The following SPECC1L variants were observed in gnomAD, a reference collection of about 807,000 sequenced individuals.
The protein encoded by SPECC1L is cytospin-A.
In SPECC1L, 40 loss-of-function variants were observed where a neutral mutation model predicts 116.8. The observed-to-expected ratio is 0.34, with a 90% confidence interval of 0.27 to 0.45. The LOEUF (loss-of-function observed/expected upper bound fraction) is 0.45, where lower values mean the gene tolerates loss of function less well. SPECC1L is among the 20% of genes least tolerant of loss of function. The pLI is 1.00. For missense variants in SPECC1L, 1,110 were observed against 1,373.6 expected (o/e 0.81, Z 3.03); for synonymous variants, 504 against 500.6 (o/e 1.01, Z -0.09).
intron 4 of SPECC1L, among the ~76,000 whole-genome samples, chr22:24,316,814 G>C: frequency 6.9e-6 from 1 of 144,264 alleles, no homozygotes; most frequent in Non-Finnish European, 1.5e-5. Context: ...AGACGGGGTG[G>C]TGGCCGGGCA....
At chr22:24,289,435 T>C (rs2049114756) in intron 2 of SPECC1L, among the ~76,000 whole-genome samples, 1 of 152,224 alleles carries the variant, frequency 6.6e-6, no homozygotes, top group African/African-American at 2.4e-5. Flanking sequence ...CAGAAATGGA[T>C]CTGAAGAGGT....
At chr22:24,298,464 T>A (rs1237089903) in intron 2 of SPECC1L, among the ~76,000 whole-genome samples, 1 of 152,116 alleles carries the variant, frequency 6.6e-6, no homozygotes, top group African/African-American at 2.4e-5. Flanking sequence ...TATAACAAGA[T>A]CCTTATTAAA....
At chr22:24,332,482 A>G (rs1349087361) in intron 8 of SPECC1L, among the ~76,000 whole-genome samples, 1 of 152,230 alleles carries the variant, frequency 6.6e-6, no homozygotes, top group Non-Finnish European at 1.5e-5. Context: ...CTTTTAAGTT[A>G]CTACTTGTTG....
chr22:24,360,031 G>C (rs1158937470), intron 11 of SPECC1L, among the ~76,000 whole-genome samples: 1 of 152,140 alleles, frequency 6.6e-6, no homozygotes, highest in Non-Finnish European at 1.5e-5. Context: ...TCTGACCTTT[G>C]CACCAAGCCA....
chr22:24,393,663 G>A lies in SPECC1L; in HGVS notation c.3088-17925G>A, dbSNP rs570990757. Among the ~76,000 whole-genome samples, 201 of 152,108 alleles carry A rather than the reference G, an allele frequency of 1.3e-3. 6 individuals are homozygous for A. Among genetic ancestry groups the A allele is most frequent in the Non-Finnish European group, 9.0e-4 (61 of 67,998 alleles). On this transcript the variant is annotated intron_variant, in intron 14 of 16. Coordinates refer to ENST00000314328, the MANE Select transcript of SPECC1L (RefSeq NM_015330.6). ...GCCTTGGGCTTCCTTTTTTTTAATA[G>A]TTGCATTGAGGTATAGTTGACATAA...
intron 4 of SPECC1L, among the ~76,000 whole-genome samples, chr22:24,319,575 CATTT>C (rs2040677952): frequency 6.6e-6 from 1 of 152,212 alleles, no homozygotes; most frequent in African/African-American, 2.4e-5. Context: ...TACTCAGGAT[CATTT>C]ATTGACTTAG....
At chr22:24,343,280 G>GA (rs1299744897) in intron 10 of SPECC1L, among the ~76,000 whole-genome samples, 6 of 152,062 alleles carry the variant, frequency 3.9e-5, no homozygotes, top group Admixed American at 3.3e-4. Flanking sequence ...AAGAAAATCA[G>GA]GAAGCTAAAG....
At chr22:24,382,581 T>C (rs2042081744) in intron 14 of SPECC1L, among the ~76,000 whole-genome samples, 1 of 151,490 alleles carries the variant, frequency 6.6e-6, no homozygotes, top group Non-Finnish European at 1.5e-5. Context: ...CGGGCGACTG[T>C]AGTTCCAGCT....
At chr22:24,281,936 G>C (rs1165973808) in intron 2 of SPECC1L, among the ~76,000 whole-genome samples, 1 of 152,222 alleles carries the variant, frequency 6.6e-6, no homozygotes, top group Non-Finnish European at 1.5e-5. Flanking sequence ...CCTGCTGGGT[G>C]GGAGACTGGA....
At chr22:24,377,346 T>C (rs1473961538) in intron 14 of SPECC1L, among the ~76,000 whole-genome samples, 1 of 152,190 alleles carries the variant, frequency 6.6e-6, no homozygotes, top group East Asian at 1.9e-4. Flanking sequence ...CTCACTATGT[T>C]TCCCAGGCTG....
At position 24,412,643 on chromosome 22, in the gene SPECC1L, T is replaced by C. The variant is rs199939868; in HGVS notation, c.3205-5T>C. 27 of 1,614,164 alleles carry C rather than the reference T, an allele frequency of 1.7e-5. No individual in the cohort carries two copies. In the African/African-American group the frequency reaches 3.6e-4, roughly 22 times the overall value. ...TGCACTGCAGTGACACAGTTTCTTTTACAGAGAAGGAACTTCATGCTGGCT... is the reference window on the plus strand; with the variant it reads ...TGCACTGCAGTGACACAGTTTCTTTCACAGAGAAGGAACTTCATGCTGGCT... On this transcript the variant is annotated splice_polypyrimidine_tract_variant and splice_region_variant and intron_variant, in intron 15 of 16. Transcript: ENST00000314328.
chr22:24,326,259 C>T (rs2040819543), intron 6 of SPECC1L, among the ~76,000 whole-genome samples: 1 of 152,202 alleles, frequency 6.6e-6, no homozygotes, highest in South Asian at 2.1e-4. Flanking sequence ...ATATTTCTTG[C>T]ATATAAATTG....
At chr22:24,287,166 G>T (rs1461569688) in intron 2 of SPECC1L, among the ~76,000 whole-genome samples, 1 of 152,172 alleles carries the variant, frequency 6.6e-6, no homozygotes, top group Non-Finnish European at 1.5e-5. Context: ...GGGTTTTCAG[G>T]GGTAGGAACA....
chr22:24,409,460 A>C (rs1380959411), intron 14 of SPECC1L, among the ~76,000 whole-genome samples: 1 of 152,188 alleles, frequency 6.6e-6, no homozygotes, highest in Non-Finnish European at 1.5e-5. Context: ...GGTAACGGCT[A>C]CATACCAGCT....
intron 3 of SPECC1L, among the ~76,000 whole-genome samples, chr22:24,306,097 G>A (rs1174240144): frequency 3.3e-5 from 5 of 152,016 alleles, no homozygotes; most frequent in Non-Finnish European, 5.9e-5. Flanking sequence ...AGTAGAGACG[G>A]GGTTTCTCCA....
Position 24,414,697 on chromosome 22 carries a change from T to C in SPECC1L, c.*74T>C, listed in dbSNP as rs765058381. On this transcript the variant is annotated 3_prime_UTR_variant, in exon 17 of 17. Transcript: ENST00000314328. ...ACCGAGCGACACCGACGCCATTAGC[T>C]ACGCACCCCTGTAAAGCTTCCAGCA... The C allele has an allele frequency of 3.8e-6, 5 of 1,299,592 alleles. No individual in the cohort carries two copies. Among genetic ancestry groups the C allele is most frequent in the Non-Finnish European group, 5.5e-6 (5 of 905,318 alleles). 80.5% of individuals were successfully genotyped at this position (1,299,592 alleles called of 1,614,324 possible). A position where few individuals can be genotyped will look rare whatever the true frequency, so the allele number is the denominator to read the frequency against.
chr22:24,360,579 A>C (rs2041624119), intron 11 of SPECC1L, among the ~76,000 whole-genome samples: 1 of 151,996 alleles, frequency 6.6e-6, no homozygotes, highest in South Asian at 2.1e-4. Context: ...AATTGTGCTT[A>C]TAGTGTGTAT....
chr22:24,314,730 C>G (rs1436703728), intron 4 of SPECC1L, among the ~76,000 whole-genome samples: 1 of 152,156 alleles, frequency 6.6e-6, no homozygotes, highest in Admixed American at 6.5e-5. Flanking sequence ...GGCATTGGAG[C>G]CTTATGGGAC....
Position 24,416,753 on chromosome 22 carries a change from T to A in SPECC1L, c.*2130T>A, listed in dbSNP as rs1338717782. 6.6e-6 allele frequency: 1 copy of A among 152,392 alleles called. No individual in the cohort carries two copies. Among genetic ancestry groups the A allele is most frequent in the Non-Finnish European group, 1.5e-5 (1 of 68,160 alleles). 9.4% of individuals were successfully genotyped at this position (152,392 alleles called of 1,614,324 possible). ...TGGGGGGGTAGGGGTCCCCAGGATCTTCTGGAGGAAGGTGGCCATGGATGG... is the reference window on the plus strand; with the variant it reads ...TGGGGGGGTAGGGGTCCCCAGGATCATCTGGAGGAAGGTGGCCATGGATGG... On this transcript the variant is annotated 3_prime_UTR_variant, in exon 17 of 17. Transcript: ENST00000314328.
Sources: gnomAD v4.1 joint callset for allele counts (sites outside exome capture counted in the v4.1 genomes callset) on GRCh38, gnomAD v4.1.1 for gene constraint, MANE v1.5 for transcripts, NCBI Gene and HGNC (gene_info 2026-07-23, HGNC 2026-07-21) for gene names.